MYL1: variants seen among roughly 807,000 people sequenced by gnomAD.
MYL1 encodes myosin light chain 1/3, skeletal muscle isoform.
MYL1 carries 16 observed loss-of-function variants against 21.8 expected under a neutral mutation model. That is an observed-to-expected ratio of 0.74 (90% CI 0.50 to 1.12). The LOEUF is 1.12. Among genes scored for constraint, MYL1 ranks in the 50% most tolerant of loss-of-function variants. The probability of loss-of-function intolerance (pLI) is 0.00; values close to 1 mark genes in which losing one functional copy is unlikely to be tolerated. For missense variants in MYL1, 246 were observed against 241.0 expected, an observed-to-expected ratio of 1.02 and a Z score of -0.14; for synonymous variants, 99 against 85.2, an observed-to-expected ratio of 1.16 and a Z score of -0.89.
intron 5 of MYL1, among the ~76,000 whole-genome samples, chr2:210,291,565 ATATGTTTCTAAAAATCTTTT>A (rs1690076256): frequency 6.6e-6 from 1 of 152,152 alleles, no homozygotes. Context: ...GACCACATAA[ATATGTTTCTAAAAATCTTTT>A]TACACAAAAA....
chr2:210,311,551 C>G (rs998593920), intron 1 of MYL1, among the ~76,000 whole-genome samples: 1 of 151,970 alleles, frequency 6.6e-6, no homozygotes, highest in African/African-American at 2.4e-5. Flanking sequence ...AAAACTCAAA[C>G]AGCACAGTGA....
At chr2:210,299,915 C>T (rs1690237625) in intron 2 of MYL1, among the ~76,000 whole-genome samples, 1 of 152,132 alleles carries the variant, frequency 6.6e-6, no homozygotes, top group Non-Finnish European at 1.5e-5. Context: ...AGTATTCCAT[C>T]TTGCTATTCC....
intron 3 of MYL1, among the ~76,000 whole-genome samples, chr2:210,297,457 A>G (rs1158922475): frequency 6.7e-6 from 1 of 149,906 alleles, no homozygotes; most frequent in Non-Finnish European, 1.5e-5. Flanking sequence ...CCATTTGTAT[A>G]TCTTCTTTTG....
chr2:210,299,574 T>A (rs1690232763), intron 2 of MYL1, among the ~76,000 whole-genome samples: 1 of 152,164 alleles, frequency 6.6e-6, no homozygotes, highest in Non-Finnish European at 1.5e-5. Context: ...ATTATAATCA[T>A]TGTATTGATG....
intron 2 of MYL1, 93 bp from the exon 3 acceptor site, chr2:210,298,656 GT>G (rs1439132190): frequency 7.2e-7 from 1 of 1,397,540 alleles, no homozygotes; most frequent in Non-Finnish European, 9.7e-7. Flanking sequence ...AAACTCTTCA[GT>G]TTTACAACTT....
chr2:210,314,303 G>A (rs1181171820), intron 1 of MYL1, among the ~76,000 whole-genome samples: 1 of 152,112 alleles, frequency 6.6e-6, no homozygotes, highest in Non-Finnish European at 1.5e-5. Flanking sequence ...TAAACAAGAT[G>A]ACAGTTACAG....
chr2:210,315,121 G>A lies in MYL1; in HGVS notation c.-79C>T, dbSNP rs572534980. ...TGTCAAAATGATTCTTGGAAGAGGAGTGGTGGTTGGGTTGATCCACAGCCC... is the reference window on the plus strand; with the variant it reads ...TGTCAAAATGATTCTTGGAAGAGGAATGGTGGTTGGGTTGATCCACAGCCC... On this transcript the variant is annotated 5_prime_UTR_variant, in exon 1 of 7. Coordinates refer to ENST00000352451, the MANE Select transcript of MYL1 (RefSeq NM_079420.3). 14 of 1,553,012 alleles carry A rather than the reference G, an allele frequency of 9.0e-6. No individual in the cohort carries two copies. The highest frequency in any genetic ancestry group is 9.0e-5 in the East Asian group (4 of 44,606).
intron 1 of MYL1, among the ~76,000 whole-genome samples, chr2:210,307,873 C>A (rs1690359858): frequency 6.6e-6 from 1 of 151,974 alleles, no homozygotes; most frequent in African/African-American, 2.4e-5. Context: ...TACTTTTGTA[C>A]CAACCTAACA....
intron 1 of MYL1, among the ~76,000 whole-genome samples, chr2:210,305,646 A>G (rs985393200): frequency 1.3e-5 from 2 of 152,186 alleles, no homozygotes; most frequent in African/African-American, 4.8e-5. Context: ...AAATTGCCCT[A>G]CTAAACATAA....
chr2:210,292,695 A>T (rs2125738279), intron 5 of MYL1, among the ~76,000 whole-genome samples: 1 of 152,292 alleles, frequency 6.6e-6, no homozygotes, highest in Admixed American at 6.5e-5. Context: ...AAAAAACGTA[A>T]CCACTCCAAA....
At chr2:210,299,827 T>C (rs930898551) in intron 2 of MYL1, among the ~76,000 whole-genome samples, 1 of 152,158 alleles carries the variant, frequency 6.6e-6, no homozygotes, top group Non-Finnish European at 1.5e-5. Flanking sequence ...GTGAATAAAT[T>C]GGTAGAAGTG....
In MYL1 at chr2:210,295,711, C is replaced by A. The variant is rs553960801; in HGVS notation, c.305-1293G>T. 5.3e-5 allele frequency among the ~76,000 whole-genome samples: 8 copies of A among 151,466 alleles called. No individual in the cohort carries two copies. The East Asian group carries it at 9.7e-4, about 18-fold the overall frequency. Reference sequence around the variant, plus strand: ...GTGTGGTGGCTCACGCCTATAATCCCAGCACTTTGGGAGGCTAAGGCAGGA... The same window carrying A: ...GTGTGGTGGCTCACGCCTATAATCCAAGCACTTTGGGAGGCTAAGGCAGGA... On this transcript the variant is annotated intron_variant, in intron 3 of 6. Transcript: ENST00000352451.
At chr2:210,310,328 T>C (rs1369332397) in intron 1 of MYL1, among the ~76,000 whole-genome samples, 1 of 152,044 alleles carries the variant, frequency 6.6e-6, no homozygotes, top group Non-Finnish European at 1.5e-5. Flanking sequence ...TATCATATTG[T>C]ACATGTGGCA....
At chr2:210,307,969 G>A (rs1328241932) in intron 1 of MYL1, among the ~76,000 whole-genome samples, 1 of 152,128 alleles carries the variant, frequency 6.6e-6, no homozygotes, top group Non-Finnish European at 1.5e-5. Context: ...AGTAAAAGAA[G>A]AAGAGCTATA....
At position 210,314,970 on chromosome 2, in the gene MYL1, C is replaced by G; in HGVS notation, c.73G>C (p.Ala25Pro). The change falls in exon 1 of 7, where the codon GCA (alanine) becomes CCA (proline). Residue 25 changes from alanine (A) to proline (P), a missense_variant. Coordinates refer to ENST00000352451, the MANE Select transcript of MYL1 (RefSeq NM_079420.3). ...AAAPAPAPAP[A>P]PAPAPAKPKE... ...GGTTTGGCTGGGGCAGGGGCAGGTG[C>G]AGGTGCCGGTGCCGGGGCTGGGGCA... 1 of 1,613,102 alleles carries G rather than the reference C, an allele frequency of 6.2e-7. No individual in the cohort carries two copies. The highest frequency in any genetic ancestry group is 1.3e-5 in the African/African-American group (1 of 74,902).
At chr2:210,314,446 T>C (rs1228415381) in intron 1 of MYL1, among the ~76,000 whole-genome samples, 1 of 152,158 alleles carries the variant, frequency 6.6e-6, no homozygotes, top group Non-Finnish European at 1.5e-5. Context: ...AGAAGGAAAG[T>C]AACTGTCAAA....
rs146897578 is a variant in MYL1 at position 210,307,896 on chromosome 2, A to C, written c.133-5381T>G. Among the ~76,000 whole-genome samples the C allele has an allele frequency of 4.1e-3, 630 of 152,298 alleles. 4 individuals are homozygous for C. The highest frequency in any genetic ancestry group is 6.8e-3 in the South Asian group (33 of 4,828). Reference sequence around the variant, plus strand: ...TACCAACCTAACAAAGAATTGAGTTATAGAAAAAATATTAAAACGCTGTTA... The same window carrying C: ...TACCAACCTAACAAAGAATTGAGTTCTAGAAAAAATATTAAAACGCTGTTA... On this transcript the variant is annotated intron_variant, in intron 1 of 6. Coordinates refer to ENST00000352451, the MANE Select transcript of MYL1 (RefSeq NM_079420.3).
intron 5 of MYL1, among the ~76,000 whole-genome samples, chr2:210,291,804 G>A (rs6736750): frequency 0.51 from 77,489 of 151,574 alleles, 19,800 homozygotes; most frequent in Middle Eastern, 0.62. Context: ...AAATTTGGCA[G>A]TTATGAACAG....
intron 1 of MYL1, chr2:210,303,707 C>CT (rs1252489362): frequency 1.1e-6 from 1 of 917,742 alleles, no homozygotes; most frequent in African/African-American, 1.7e-5. Context: ...TGCCACACCC[C>CT]TTGGAGAGTT....
Sources: gnomAD v4.1 joint callset for allele counts (sites outside exome capture counted in the v4.1 genomes callset) on GRCh38, gnomAD v4.1.1 for gene constraint, MANE v1.5 for transcripts, NCBI Gene and HGNC (gene_info 2026-07-23, HGNC 2026-07-21) for gene names.